The following PFN4 variants were observed in gnomAD, a reference collection of about 807,000 sequenced individuals.
The protein encoded by PFN4 is profilin-4.
PFN4 carries 10 observed loss-of-function variants against 16.3 expected under a neutral mutation model. That is an observed-to-expected ratio of 0.61 (90% CI 0.38 to 1.04). The LOEUF is 1.04. Among genes scored for constraint, PFN4 ranks in the 50% least tolerant of loss-of-function variants. PFN4 has a pLI of 0.01. For missense variants in PFN4, 136 were observed against 153.6 expected (o/e 0.89, Z 0.61); for synonymous variants, 54 against 56.9 (o/e 0.95, Z 0.23).
At position 24,123,206 on chromosome 2, in the gene PFN4, G is replaced by C. The variant is rs1023432225; in HGVS notation, c.-101C>G. 3 of 152,252 alleles carry C rather than the reference G, an allele frequency of 2.0e-5. No individual in the cohort carries two copies. The highest frequency in any genetic ancestry group is 4.4e-5 in the Non-Finnish European group (3 of 68,164). 9.4% of individuals were successfully genotyped at this position (152,252 alleles called of 1,614,324 possible). A position where few individuals can be genotyped will look rare whatever the true frequency, so the allele number is the denominator to read the frequency against. The stretch of plus-strand genomic sequence containing the variant: ...AAGGCGGGGCAGGGGGTGGTGAGCG[G>C]TGAATTCCCTGGCACCGAGGACTCG... On this transcript the variant is annotated 5_prime_UTR_variant, in exon 1 of 5. Coordinates refer to ENST00000313213, the MANE Select transcript of PFN4 (RefSeq NM_199346.3).
chr2:24,119,659 C>T lies in PFN4; in HGVS notation c.279G>A (p.Val93=), dbSNP rs1331614299. 6.2e-7 allele frequency: 1 copy of T among 1,612,880 alleles called. No homozygotes were observed. Among genetic ancestry groups the T allele is most frequent in the Non-Finnish European group, 8.5e-7 (1 of 1,179,106 alleles). Reference sequence around the variant, plus strand: ...CTACCAGAAGATACAGATGGGTCTTCACGACAACCACACCAGTGTTCTCCT... The same window carrying T: ...CTACCAGAAGATACAGATGGGTCTTTACGACAACCACACCAGTGTTCTCCT... ...AKNENTGVVV[V]KTHLYLLVAT... Residue 93 remains valine, a synonymous_variant, in exon 4 of 5, where the codon GTG becomes GTA. Coordinates refer to ENST00000313213, the MANE Select transcript of PFN4 (RefSeq NM_199346.3).
In PFN4 at chr2:24,121,285, C is replaced by T. The variant is rs1357553591; in HGVS notation, c.133G>A (p.Val45Ile). ...SPGFNVTPSD[V>I]RTLVNGFAKN... ...GCAAATCCATTCACCAGTGTTCGGACATCACTGGGCGTTACCTGGAGAGGT... is the reference window on the plus strand; with the variant it reads ...GCAAATCCATTCACCAGTGTTCGGATATCACTGGGCGTTACCTGGAGAGGT... Residue 45 changes from valine (V) to isoleucine (I), a missense_variant, in exon 3 of 5, where the codon GTC becomes ATC. Val to Ile is a conservative substitution (Grantham distance 29). Transcript: ENST00000313213. 3 of 1,614,180 alleles carry T rather than the reference C, an allele frequency of 1.9e-6. No individual in the cohort carries two copies. The highest frequency in any genetic ancestry group is 2.5e-6 in the Non-Finnish European group (3 of 1,180,038).
intron 4 of PFN4, 91 bp from the exon 5 acceptor site, chr2:24,115,702 G>T (rs929818464): frequency 1.4e-6 from 2 of 1,406,674 alleles, no homozygotes; most frequent in Non-Finnish European, 2.0e-6. Flanking sequence ...CACAAACATT[G>T]CCAGGTGACT....
chr2:24,122,568 GA>G, intron 1 of PFN4, 21 bp from the exon 2 acceptor site: 3 of 1,459,266 alleles, frequency 2.1e-6, no homozygotes, highest in Non-Finnish European at 2.9e-6. Context: ...AAGTGCAGTT[GA>G]AGCCATTGAC....
Position 24,121,173 on chromosome 2 carries a change from T to A in PFN4, c.245A>T (p.Tyr82Phe). ...RCVRADEYSL[Y>F]AKNENTGVVV... The stretch of plus-strand genomic sequence containing the variant: ...ATCTTGAGCACTCACATTTTTGGCA[T>A]AAAGAGAATATTCATCTGCCCGGAC... Residue 82 changes from tyrosine (Y) to phenylalanine (F), a missense_variant, in exon 3 of 5, where the codon TAT becomes TTT. Tyr to Phe is a conservative substitution (Grantham distance 22). Coordinates refer to ENST00000313213, the MANE Select transcript of PFN4 (RefSeq NM_199346.3). 1 of 1,614,060 alleles carries A rather than the reference T, an allele frequency of 6.2e-7. No homozygotes were observed. The highest frequency in any genetic ancestry group is 8.5e-7 in the Non-Finnish European group (1 of 1,179,992).
At chr2:24,120,805 G>A (rs975582701) in intron 3 of PFN4, among the ~76,000 whole-genome samples, 2 of 152,022 alleles carry the variant, frequency 1.3e-5, no homozygotes, top group African/African-American at 4.8e-5. Flanking sequence ...CCAAAGTGCT[G>A]GGATTACAGG....
At chr2:24,121,054 A>C in intron 3 of PFN4, 109 bp downstream of exon 3, 1 of 1,414,028 alleles carries the variant, frequency 7.1e-7, no homozygotes, top group Non-Finnish European at 9.6e-7. Flanking sequence ...CAATGGCTCA[A>C]GACATTAATG....
intron 2 of PFN4, among the ~76,000 whole-genome samples, chr2:24,121,634 C>T (rs1439504235): frequency 6.6e-6 from 1 of 152,134 alleles, no homozygotes; most frequent in Non-Finnish European, 1.5e-5. Flanking sequence ...ATGTTGAAAT[C>T]TGATTCCCAG....
At chr2:24,117,100 C>T (rs1031309637) in intron 4 of PFN4, among the ~76,000 whole-genome samples, 1 of 150,132 alleles carries the variant, frequency 6.7e-6, no homozygotes. Context: ...ACCGCAACCT[C>T]TGCCTCTCCG....
chr2:24,122,382 T>C, intron 2 of PFN4, 37 bp downstream of exon 2: 1 of 1,400,952 alleles, frequency 7.1e-7, no homozygotes, highest in South Asian at 1.2e-5. Flanking sequence ...AAATAATAAG[T>C]AAATCAAGTC....
At chr2:24,122,177 C>T (rs996017714) in intron 2 of PFN4, among the ~76,000 whole-genome samples, 5 of 151,996 alleles carry the variant, frequency 3.3e-5, no homozygotes, top group Non-Finnish European at 7.4e-5. Context: ...ACTAAAAATA[C>T]AAAAATTAGC....
rs895295483 is a variant in PFN4, at chr2:24,115,139, T to G, written c.*444A>C. ...GTAACACTGAGCTCAGGGACTCCAC[T>G]GCTTTTATAGCAAACAGTAAGCAAG... On this transcript the variant is annotated 3_prime_UTR_variant, in exon 5 of 5. Coordinates refer to ENST00000313213, the MANE Select transcript of PFN4 (RefSeq NM_199346.3). Among the ~76,000 whole-genome samples the G allele has an allele frequency of 2.0e-5, 3 of 152,220 alleles. No homozygotes were observed. The highest frequency in any genetic ancestry group is 7.2e-5 in the African/African-American group (3 of 41,458).
intron 3 of PFN4, 148 bp from the exon 4 acceptor site, chr2:24,119,830 T>C: frequency 1.7e-6 from 1 of 603,014 alleles, no homozygotes; most frequent in Non-Finnish European, 2.8e-6. Context: ...ATTTTCCATA[T>C]GTTTATATAT....
chr2:24,121,719 C>T (rs1037170370), intron 2 of PFN4, among the ~76,000 whole-genome samples: 2 of 152,114 alleles, frequency 1.3e-5, no homozygotes, highest in Non-Finnish European at 2.9e-5. Flanking sequence ...CTGGGGGAAG[C>T]TGTGAGTTTT....
chr2:24,120,470 G>A (rs898247252), intron 3 of PFN4, among the ~76,000 whole-genome samples: 2 of 152,190 alleles, frequency 1.3e-5, no homozygotes, highest in African/African-American at 4.8e-5. Flanking sequence ...TGTGGATGAA[G>A]CAGCATGCCT....
In PFN4 at chr2:24,119,694, A is replaced by G; in HGVS notation, c.256-12T>C. Reference sequence around the variant, plus strand: ...ACACCAGTGTTCTCCTGTATAAAGAATATAAGAGAATATTCTGCTCTTGGT... The same window carrying G: ...ACACCAGTGTTCTCCTGTATAAAGAGTATAAGAGAATATTCTGCTCTTGGT... On this transcript the variant is annotated splice_polypyrimidine_tract_variant and intron_variant, in intron 3 of 4. Transcript: ENST00000313213. The G allele has an allele frequency of 1.3e-6, 2 of 1,588,726 alleles. No individual in the cohort carries two copies. Among genetic ancestry groups the G allele is most frequent in the Non-Finnish European group, 1.7e-6 (2 of 1,160,200 alleles).
Position 24,119,567 on chromosome 2 carries a change from G to A in PFN4, c.361+10C>T. On this transcript the variant is annotated intron_variant, in intron 4 of 4. Transcript: ENST00000313213. ...AGGGAATGAAGACAGGAACTAGGAG[G>A]CCAACTTACCCAGGCTCTCTGTGGC... The A allele has an allele frequency of 6.2e-7, 1 of 1,606,296 alleles. No individual in the cohort carries two copies. Among genetic ancestry groups the A allele is most frequent in the South Asian group, 1.1e-5 (1 of 90,292 alleles).
chr2:24,119,661 C>G lies in PFN4; in HGVS notation c.277G>C (p.Val93Leu). The part of the protein sequence containing the change: ...AKNENTGVVV[V>L]KTHLYLLVAT... The stretch of plus-strand genomic sequence containing the variant: ...ACCAGAAGATACAGATGGGTCTTCA[C>G]GACAACCACACCAGTGTTCTCCTGT... Residue 93 changes from valine to leucine, a missense_variant, in exon 4 of 5, where the codon GTG becomes CTG. Transcript: ENST00000313213. The G allele has an allele frequency of 1.2e-6, 2 of 1,612,598 alleles. No homozygotes were observed. Among genetic ancestry groups the G allele is most frequent in the Non-Finnish European group, 1.7e-6 (2 of 1,178,904 alleles).
At chr2:24,116,577 G>A (rs1272678828) in intron 4 of PFN4, among the ~76,000 whole-genome samples, 1 of 151,756 alleles carries the variant, frequency 6.6e-6, no homozygotes, top group Non-Finnish European at 1.5e-5. Flanking sequence ...GGACCTGGCC[G>A]GGTGCAGTGG....
Sources: gnomAD v4.1 joint callset for allele counts (sites outside exome capture counted in the v4.1 genomes callset) on GRCh38, gnomAD v4.1.1 for gene constraint, MANE v1.5 for transcripts, NCBI Gene and HGNC (gene_info 2026-07-23, HGNC 2026-07-21) for gene names.